The following VKORC1L1 variants were observed in gnomAD, a reference collection of about 807,000 sequenced individuals.
VKORC1L1 encodes vitamin K epoxide reductase complex subunit 1L1, also known as vitamin K epoxide reductase complex subunit 1-like protein 1.
In VKORC1L1, 2 loss-of-function variants were observed where a neutral mutation model predicts 18.9. The observed-to-expected ratio is 0.11, with a 90% CI of 0.04 to 0.33. The LOEUF (loss-of-function observed/expected upper bound fraction) is 0.33, where lower values mean the gene tolerates loss of function less well. Ranked by LOEUF, VKORC1L1 falls within the 10% of genes least tolerant of loss-of-function variation. The pLI is 1.00. For synonymous variants in VKORC1L1, 96 were observed against 100.0 expected, an observed-to-expected ratio of 0.96 and a Z score of 0.24; for missense variants, 123 against 224.1, an observed-to-expected ratio of 0.55 and a Z score of 2.88.
chr7:65,935,221 C>G (rs1217344158), intron 1 of VKORC1L1, among the ~76,000 whole-genome samples: 1 of 152,050 alleles, frequency 6.6e-6, no homozygotes, highest in Non-Finnish European at 1.5e-5. Flanking sequence ...CTGGAAGTGT[C>G]TGATTGTTCT....
At chr7:65,938,556 T>C (rs945037898) in intron 1 of VKORC1L1, among the ~76,000 whole-genome samples, 1 of 152,232 alleles carries the variant, frequency 6.6e-6, no homozygotes, top group Admixed American at 6.5e-5. Flanking sequence ...AATTTGAGAA[T>C]GCCCAGATTA....
chr7:65,885,001 A>T (rs1267605858), intron 1 of VKORC1L1, among the ~76,000 whole-genome samples: 1 of 152,188 alleles, frequency 6.6e-6, no homozygotes, highest in African/African-American at 2.4e-5. Context: ...TGATAATTTT[A>T]ATGATTTTTC....
At chr7:65,881,622 C>T (rs1201579801) in intron 1 of VKORC1L1, among the ~76,000 whole-genome samples, 1 of 152,130 alleles carries the variant, frequency 6.6e-6, no homozygotes, top group African/African-American at 2.4e-5. Context: ...CAACCACACA[C>T]ACACATACTG....
At chr7:65,902,872 T>C (rs1459126585) in intron 1 of VKORC1L1, among the ~76,000 whole-genome samples, 1 of 152,052 alleles carries the variant, frequency 6.6e-6, no homozygotes, top group Non-Finnish European at 1.5e-5. Context: ...TATTTATTTA[T>C]TTATTTATTT....
chr7:65,924,302 T>C lies in VKORC1L1; in HGVS notation c.195-24369T>C, dbSNP rs573974170. On this transcript the variant is annotated intron_variant, in intron 1 of 2. Coordinates refer to ENST00000360768, the MANE Select transcript of VKORC1L1 (RefSeq NM_173517.6). ...AGTTAAACACCCATTGTGAGGCCTTTAGTGGCCAATCAGCCACTTAGCAGC... is the reference window on the plus strand; with the variant it reads ...AGTTAAACACCCATTGTGAGGCCTTCAGTGGCCAATCAGCCACTTAGCAGC... 8.5e-4 allele frequency among the ~76,000 whole-genome samples: 129 copies of C among 152,330 alleles called. 2 individuals carry two copies. The South Asian group carries it at 0.022, about 26-fold the overall frequency.
chr7:65,936,043 C>G (rs1789937210), intron 1 of VKORC1L1, among the ~76,000 whole-genome samples: 1 of 151,870 alleles, frequency 6.6e-6, no homozygotes. Context: ...TTTCAGCTCA[C>G]TGAATCTTCC....
chr7:65,876,496 T>A (rs1240558061), intron 1 of VKORC1L1, among the ~76,000 whole-genome samples: 3 of 151,172 alleles, frequency 2.0e-5, no homozygotes. Context: ...AACGAGACTC[T>A]GTCTTTAAAA....
intron 1 of VKORC1L1, among the ~76,000 whole-genome samples, chr7:65,943,902 A>G: frequency 6.6e-6 from 1 of 152,240 alleles, no homozygotes; most frequent in South Asian, 2.1e-4. Context: ...ATTTATTAGT[A>G]ACAAAAATTT....
chr7:65,940,362 CAATT>C (rs1385458353), intron 1 of VKORC1L1, among the ~76,000 whole-genome samples: 1 of 152,246 alleles, frequency 6.6e-6, no homozygotes, highest in East Asian at 1.9e-4. Context: ...AACAATCAAT[CAATT>C]ATGATAGCAG....
Position 65,900,082 on chromosome 7 carries a change from T to C in VKORC1L1, c.194+26517T>C, listed in dbSNP as rs1277575047. ...GTGTGTGTGTGTGTGTGTGTGTGTG[T>C]GTGTGTATTGAAAATACAGAAAAAT... On this transcript the variant is annotated intron_variant, in intron 1 of 2. Transcript: ENST00000360768. Among the ~76,000 whole-genome samples the C allele has an allele frequency of 1.0e-4, 10 of 98,524 alleles. No individual in the cohort carries two copies. In the East Asian group the frequency reaches 4.7e-3, roughly 46 times the overall value. The allele number at this position is 98,524 out of a possible 152,430, so 64.6% of individuals were successfully genotyped here. A position where few individuals can be genotyped will look rare whatever the true frequency, so the allele number is the denominator to read the frequency against.
At chr7:65,913,361 T>A (rs952946871) in intron 1 of VKORC1L1, among the ~76,000 whole-genome samples, 2 of 152,058 alleles carry the variant, frequency 1.3e-5, no homozygotes, top group African/African-American at 4.8e-5. Context: ...TTCATTGTAC[T>A]ACAGCAGTCA....
chr7:65,901,191 C>T (rs555099467), intron 1 of VKORC1L1, among the ~76,000 whole-genome samples: 1 of 152,260 alleles, frequency 6.6e-6, no homozygotes, highest in South Asian at 2.1e-4. Flanking sequence ...TGGATGAAGA[C>T]TAAGCATTTA....
intron 1 of VKORC1L1, among the ~76,000 whole-genome samples, chr7:65,884,229 A>G (rs1194534532): frequency 6.6e-6 from 1 of 152,218 alleles, no homozygotes; most frequent in Non-Finnish European, 1.5e-5. Context: ...GTGACTATGA[A>G]GTGTACCAGT....
chr7:65,931,250 A>T (rs546413428), intron 1 of VKORC1L1, among the ~76,000 whole-genome samples: 1 of 152,050 alleles, frequency 6.6e-6, no homozygotes, highest in African/African-American at 2.4e-5. Flanking sequence ...AGCTAGCCTT[A>T]CAAAATGAGT....
intron 1 of VKORC1L1, among the ~76,000 whole-genome samples, chr7:65,918,538 T>C (rs1414860972): frequency 2.6e-5 from 4 of 152,106 alleles, no homozygotes; most frequent in African/African-American, 9.7e-5. Flanking sequence ...CCTAGAGAAA[T>C]GAATGGTTGG....
At chr7:65,869,086 G>A (rs1420375788), upstream of VKORC1L1, among the ~76,000 whole-genome samples, 3 of 151,962 alleles carry the variant, frequency 2.0e-5, no homozygotes, top group Non-Finnish European at 2.9e-5. Flanking sequence ...AGGCCGAGGC[G>A]GGCAGATCAC....
intron 1 of VKORC1L1, among the ~76,000 whole-genome samples, chr7:65,890,376 C>CT (rs1351677039): frequency 2.0e-5 from 3 of 152,272 alleles, no homozygotes; most frequent in East Asian, 3.9e-4. Context: ...CGTGATCCGC[C>CT]TGCCTCGGCC....
intron 1 of VKORC1L1, among the ~76,000 whole-genome samples, chr7:65,917,513 A>G (rs572303650): frequency 1.3e-4 from 20 of 152,156 alleles, no homozygotes; most frequent in African/African-American, 3.6e-4. Context: ...TTGCTCAGCT[A>G]CTTACTCATT....
chr7:65,898,914 AGT>A (rs1789262923), intron 1 of VKORC1L1, among the ~76,000 whole-genome samples: 1 of 152,164 alleles, frequency 6.6e-6, no homozygotes, highest in African/African-American at 2.4e-5. Flanking sequence ...GGAATCATAT[AGT>A]GTTTGCCCTT....
Sources: gnomAD v4.1 joint callset for allele counts (sites outside exome capture counted in the v4.1 genomes callset) on GRCh38, gnomAD v4.1.1 for gene constraint, MANE v1.5 for transcripts, NCBI Gene and HGNC (gene_info 2026-07-23, HGNC 2026-07-21) for gene names.